TESK2: variants seen among roughly 807,000 people sequenced by gnomAD.
TESK2 encodes testis associated actin remodelling kinase 2, also known as dual specificity testis-specific protein kinase 2.
Under a neutral mutation model 57.1 loss-of-function variants are expected in TESK2, and 39 were observed. The observed-to-expected ratio is 0.68, with a 90% CI of 0.53 to 0.89. The LOEUF (loss-of-function observed/expected upper bound fraction) is 0.89. Among genes scored for constraint, TESK2 ranks in the 40% least tolerant of loss-of-function variants. The pLI is 0.00. For synonymous variants in TESK2, 249 were observed against 267.9 expected, an observed-to-expected ratio of 0.93 and a Z score of 0.69; for missense variants, 646 against 732.1, an observed-to-expected ratio of 0.88 and a Z score of 1.36.
At chr1:45,485,903 A>AG (rs1303473600) in intron 1 of TESK2, among the ~76,000 whole-genome samples, 3 of 152,114 alleles carry the variant, frequency 2.0e-5, no homozygotes, top group Non-Finnish European at 4.4e-5. Flanking sequence ...ATCTTAAAAA[A>AG]AAAAACTAAA....
chr1:45,473,051 G>T lies in TESK2; in HGVS notation c.-86-15180C>A, dbSNP rs373705224. On this transcript the variant is annotated intron_variant, in intron 1 of 10. Coordinates refer to ENST00000372086, the MANE Select transcript of TESK2 (RefSeq NM_007170.3). ...TGCCTGTAGTCCCAGCTAATCGGGAGACTGAGGCAGGAGAATGGTGTGAAC... is the reference window on the plus strand; with the variant it reads ...TGCCTGTAGTCCCAGCTAATCGGGATACTGAGGCAGGAGAATGGTGTGAAC... 2.0e-5 allele frequency among the ~76,000 whole-genome samples: 3 copies of T among 150,706 alleles called. No homozygotes were observed. In the East Asian group the frequency reaches 5.8e-4, roughly 29 times the overall value.
intron 1 of TESK2, among the ~76,000 whole-genome samples, chr1:45,486,917 G>A (rs1339402189): frequency 6.6e-6 from 1 of 151,252 alleles, no homozygotes; most frequent in Non-Finnish European, 1.5e-5. Flanking sequence ...CCACCACCCG[G>A]GTTCAAGCGA....
chr1:45,353,309 C>T (rs1466303515), intron 5 of TESK2, among the ~76,000 whole-genome samples: 1 of 152,192 alleles, frequency 6.6e-6, no homozygotes, highest in Non-Finnish European at 1.5e-5. Flanking sequence ...CCAGTTCTTA[C>T]AGACAGTAAT....
At chr1:45,444,904 G>A (rs899066196) in intron 2 of TESK2, among the ~76,000 whole-genome samples, 1 of 151,274 alleles carries the variant, frequency 6.6e-6, no homozygotes, top group Non-Finnish European at 1.5e-5. Flanking sequence ...GGATGAAACT[G>A]CCTTTATAAA....
chr1:45,456,177 C>T, intron 2 of TESK2, among the ~76,000 whole-genome samples: 1 of 151,748 alleles, frequency 6.6e-6, no homozygotes, highest in South Asian at 2.1e-4. Context: ...GCCTGGGTGA[C>T]AGAGCGAAAC....
chr1:45,465,240 A>C (rs890517235), intron 1 of TESK2, among the ~76,000 whole-genome samples: 5 of 151,922 alleles, frequency 3.3e-5, no homozygotes, highest in African/African-American at 1.2e-4. Flanking sequence ...CATCTCAAAA[A>C]AAAAAGAAAA....
chr1:45,483,353 T>G (rs1460716814), intron 1 of TESK2, among the ~76,000 whole-genome samples: 3 of 151,398 alleles, frequency 2.0e-5, no homozygotes, highest in Admixed American at 6.6e-5. Flanking sequence ...CCCAGCACTT[T>G]GGGAGGCCGA....
At chr1:45,407,725 G>C (rs999322233) in intron 3 of TESK2, among the ~76,000 whole-genome samples, 2 of 152,034 alleles carry the variant, frequency 1.3e-5, no homozygotes, top group Non-Finnish European at 2.9e-5. Flanking sequence ...TTCATCTTTT[G>C]CCATGACTGT....
At chr1:45,483,529 C>G (rs554465508) in intron 1 of TESK2, among the ~76,000 whole-genome samples, 1 of 150,646 alleles carries the variant, frequency 6.6e-6, no homozygotes, top group Non-Finnish European at 1.5e-5. Flanking sequence ...ACCCGGCAGG[C>G]AGAGGTTGCA....
chr1:45,400,012 C>T (rs1649534463), intron 3 of TESK2, among the ~76,000 whole-genome samples: 2 of 152,284 alleles, frequency 1.3e-5, no homozygotes, highest in South Asian at 2.1e-4. Flanking sequence ...CCAGAGATGT[C>T]TATGTCCTAA....
chr1:45,448,433 T>C, intron 2 of TESK2, among the ~76,000 whole-genome samples: 1 of 152,076 alleles, frequency 6.6e-6, no homozygotes, highest in East Asian at 1.9e-4. Context: ...AAAAGAGGTT[T>C]AATTGGCTCA....
intron 1 of TESK2, among the ~76,000 whole-genome samples, chr1:45,472,897 G>A (rs1197896697): frequency 6.6e-6 from 1 of 151,640 alleles, no homozygotes; most frequent in Non-Finnish European, 1.5e-5. Context: ...CAGCACTTTG[G>A]GAAGCCAAGG....
At chr1:45,480,233 G>A (rs922822259) in intron 1 of TESK2, among the ~76,000 whole-genome samples, 23 of 151,660 alleles carry the variant, frequency 1.5e-4, no homozygotes, top group African/African-American at 5.6e-4. Flanking sequence ...GGCCGAGGTG[G>A]GCGGATCACA....
intron 2 of TESK2, among the ~76,000 whole-genome samples, chr1:45,455,330 T>C (rs1347749886): frequency 6.6e-6 from 1 of 152,222 alleles, no homozygotes; most frequent in Admixed American, 6.5e-5. Context: ...GAACGGGATC[T>C]GCAAGAGAAT....
chr1:45,428,896 G>A (rs1398168336), intron 2 of TESK2, among the ~76,000 whole-genome samples: 14 of 132,066 alleles, frequency 1.1e-4, no homozygotes, highest in Non-Finnish European at 1.8e-4. Flanking sequence ...ATCTTGGCTC[G>A]CTGCAAGCTC....
intron 2 of TESK2, among the ~76,000 whole-genome samples, chr1:45,427,234 C>CAAAAAAAAAAAAAAAAAAAAAAAAA (rs111269135): frequency 7.7e-6 from 1 of 129,504 alleles, no homozygotes; most frequent in Non-Finnish European, 1.6e-5. Context: ...GACTCTGTCT[C>CAAAAAAAAAAAAAAAAAAAAAAAAA]AAAAAAAAAA....
intron 4 of TESK2, among the ~76,000 whole-genome samples, chr1:45,361,186 G>A (rs937493115): frequency 3.3e-5 from 5 of 152,192 alleles, no homozygotes; most frequent in African/African-American, 1.2e-4. Flanking sequence ...AACTCCCAGT[G>A]CAGACTCAGC....
intron 4 of TESK2, among the ~76,000 whole-genome samples, chr1:45,380,318 C>A (rs1321668761): frequency 6.6e-6 from 1 of 152,222 alleles, no homozygotes; most frequent in African/African-American, 2.4e-5. Context: ...ACCCTCTCCA[C>A]AACCATATAC....
Position 45,413,793 on chromosome 1 carries a change from A to G in TESK2, c.344+7932T>C, listed in dbSNP as rs116125931. On this transcript the variant is annotated intron_variant, in intron 3 of 10. Transcript: ENST00000372086. ...TGAGAAGGCACATCTGTGTAATCCT[A>G]GGGTTCCAAGAGATGGATTCTTCCC... is the stretch of plus-strand genomic sequence containing the variant. 1.5e-3 allele frequency: 671 copies of G among 455,892 alleles called. 4 individuals are homozygous for G. Among genetic ancestry groups the G allele is most frequent in the African/African-American group, 0.012 (615 of 50,180 alleles). The allele number at this position is 455,892 out of a possible 1,614,324, so 28.2% of individuals were successfully genotyped here.
Sources: gnomAD v4.1 joint callset for allele counts (sites outside exome capture counted in the v4.1 genomes callset) on GRCh38, gnomAD v4.1.1 for gene constraint, MANE v1.5 for transcripts, NCBI Gene and HGNC (gene_info 2026-07-23, HGNC 2026-07-21) for gene names.